Variants in DAB1 observed in about 807,000 individuals in gnomAD.
DAB1 encodes the protein disabled homolog 1.
DAB1 carries 15 observed loss-of-function variants against 64.6 expected under a neutral mutation model. The ratio of observed to expected loss-of-function variants is 0.23; its 90% CI spans 0.16 to 0.36. The LOEUF (loss-of-function observed/expected upper bound fraction) is 0.36. Among genes scored for constraint, DAB1 ranks in the 10% least tolerant of loss-of-function variants. The pLI, the probability that DAB1 is intolerant of heterozygous loss-of-function variation, is 1.00. For missense variants in DAB1, 596 were observed against 706.7 expected (o/e 0.84, Z 1.78); for synonymous variants, 235 against 251.9 (o/e 0.93, Z 0.64).
At chr1:58,335,212 A>G (rs1217199477) in intron 4 of DAB1, among the ~76,000 whole-genome samples, 1 of 152,208 alleles carries the variant, frequency 6.6e-6, no homozygotes, top group Non-Finnish European at 1.5e-5. Context: ...AAGGACTAGC[A>G]AAGTCCAAGG....
intron 7 of DAB1, among the ~76,000 whole-genome samples, chr1:57,541,926 C>T (rs1315794440): frequency 4.6e-5 from 7 of 152,228 alleles, no homozygotes; most frequent in African/African-American, 1.7e-4. Flanking sequence ...TGGTTTTAAA[C>T]CGCAGGGGGC....
At chr1:57,963,970 G>A (rs1645590729) in intron 5 of DAB1, among the ~76,000 whole-genome samples, 1 of 152,086 alleles carries the variant, frequency 6.6e-6, no homozygotes, top group Admixed American at 6.5e-5. Flanking sequence ...AAGTCACATT[G>A]GACACCATTT....
chr1:57,127,383 G>T (rs956253535), intron 4 of DAB1, among the ~76,000 whole-genome samples: 2 of 152,212 alleles, frequency 1.3e-5, no homozygotes, highest in Non-Finnish European at 2.9e-5. Context: ...GTTAATATTT[G>T]TGATTTACAA....
At chr1:58,095,043 T>C (rs988948222) in intron 5 of DAB1, among the ~76,000 whole-genome samples, 2 of 152,162 alleles carry the variant, frequency 1.3e-5, no homozygotes, top group African/African-American at 4.8e-5. Flanking sequence ...TCAATGACAC[T>C]TGATTTGGAA....
At chr1:57,672,212 T>C (rs1287584911) in intron 6 of DAB1, among the ~76,000 whole-genome samples, 1 of 152,162 alleles carries the variant, frequency 6.6e-6, no homozygotes, top group African/African-American at 2.4e-5. Flanking sequence ...TGACCTGTTA[T>C]GTTGCCTCAT....
At chr1:57,249,135 A>G (rs1385685165) in intron 2 of DAB1, among the ~76,000 whole-genome samples, 1 of 152,148 alleles carries the variant, frequency 6.6e-6, no homozygotes, top group African/African-American at 2.4e-5. Flanking sequence ...CCAGTGAGGA[A>G]CTTACGTTCT....
chr1:58,116,468 T>C (rs1033336819), intron 5 of DAB1, among the ~76,000 whole-genome samples: 3 of 152,200 alleles, frequency 2.0e-5, no homozygotes, highest in Non-Finnish European at 4.4e-5. Flanking sequence ...AATCCATCCA[T>C]ATAGTGAATG....
At chr1:58,158,885 C>T (rs932850800) in intron 4 of DAB1, among the ~76,000 whole-genome samples, 4 of 152,156 alleles carry the variant, frequency 2.6e-5, no homozygotes, top group Admixed American at 6.5e-5. Flanking sequence ...CACACAAGCA[C>T]GCACGGGTGA....
chr1:58,457,027 T>C (rs1264008160), intron 3 of DAB1, among the ~76,000 whole-genome samples: 1 of 152,212 alleles, frequency 6.6e-6, no homozygotes, highest in Non-Finnish European at 1.5e-5. Context: ...CTTTAGTCTA[T>C]GTGCCCGCAA....
intron 3 of DAB1, among the ~76,000 whole-genome samples, chr1:58,477,051 G>C (rs1645425791): frequency 6.6e-6 from 1 of 152,114 alleles, no homozygotes; most frequent in Non-Finnish European, 1.5e-5. Context: ...AAAGAACACT[G>C]GATTACAAAT....
intron 4 of DAB1, among the ~76,000 whole-genome samples, chr1:58,171,680 G>A (rs1471367386): frequency 6.6e-6 from 1 of 152,216 alleles, no homozygotes; most frequent in African/African-American, 2.4e-5. Context: ...CTTGTCCCAA[G>A]GGTTTAGGGA....
intron 2 of DAB1, among the ~76,000 whole-genome samples, chr1:57,206,622 G>A (rs1665560695): frequency 6.6e-6 from 1 of 152,114 alleles, no homozygotes; most frequent in Non-Finnish European, 1.5e-5. Flanking sequence ...CTCAAAAACG[G>A]AGTTGAAGCT....
chr1:57,735,198 G>A (rs1647625505), intron 6 of DAB1, among the ~76,000 whole-genome samples: 1 of 152,172 alleles, frequency 6.6e-6, no homozygotes, highest in Admixed American at 6.5e-5. Context: ...ACTAGGTGAA[G>A]AATTGAAAAG....
intron 7 of DAB1, among the ~76,000 whole-genome samples, chr1:57,613,051 A>G (rs1645747707): frequency 6.6e-6 from 1 of 152,226 alleles, no homozygotes. Context: ...ATTTGAAGGA[A>G]GTAGCATACA....
intron 7 of DAB1, among the ~76,000 whole-genome samples, chr1:57,461,624 C>T (rs2101180427): frequency 6.6e-6 from 1 of 152,324 alleles, no homozygotes; most frequent in African/African-American, 2.4e-5. Context: ...CCAGGCTGCG[C>T]CCTCTGTCAG....
chr1:58,079,396 T>C (rs983498713), intron 5 of DAB1, among the ~76,000 whole-genome samples: 4 of 151,996 alleles, frequency 2.6e-5, no homozygotes, highest in African/African-American at 9.7e-5. Context: ...TATCTGCCCA[T>C]CATCAACAGC....
chr1:57,551,973 A>G (rs1316210769), intron 7 of DAB1, among the ~76,000 whole-genome samples: 2 of 152,144 alleles, frequency 1.3e-5, no homozygotes, highest in Non-Finnish European at 2.9e-5. Flanking sequence ...ACACTTTCAA[A>G]CCAAGAGCGC....
chr1:57,763,307 G>A (rs576264053), intron 6 of DAB1, among the ~76,000 whole-genome samples: 1 of 152,292 alleles, frequency 6.6e-6, no homozygotes, highest in Non-Finnish European at 1.5e-5. Context: ...TAGCCAGTAA[G>A]TTTGCAGTCT....
At chr1:57,479,949 C>T (rs1056194958) in intron 7 of DAB1, among the ~76,000 whole-genome samples, 1 of 151,824 alleles carries the variant, frequency 6.6e-6, no homozygotes. Flanking sequence ...GTCAGGAGAT[C>T]GAGACCATCC....
Sources: gnomAD v4.1 joint callset for allele counts (sites outside exome capture counted in the v4.1 genomes callset) on GRCh38, gnomAD v4.1.1 for gene constraint, MANE v1.5 for transcripts, NCBI Gene and HGNC (gene_info 2026-07-23, HGNC 2026-07-21) for gene names.